The following SV2B variants were observed in gnomAD, a reference collection of about 807,000 sequenced individuals.
SV2B encodes the protein solute carrier family 22 member B2.
Under a neutral mutation model 73.9 loss-of-function variants are expected in SV2B, and 41 were observed. The ratio of observed to expected loss-of-function variants is 0.56; its 90% CI spans 0.43 to 0.72. SV2B has a LOEUF of 0.72. Among genes scored for constraint, SV2B ranks in the 30% least tolerant of loss-of-function variants. The pLI, the probability that SV2B is intolerant of heterozygous loss-of-function variation, is 0.00. For missense variants in SV2B, 764 were observed against 857.8 expected, an observed-to-expected ratio of 0.89 and a Z score of 1.37; for synonymous variants, 314 against 314.2, an observed-to-expected ratio of 1.00 and a Z score of 0.01.
At chr15:91,233,109 T>G (rs549208709) in intron 2 of SV2B, among the ~76,000 whole-genome samples, 2 of 152,184 alleles carry the variant, frequency 1.3e-5, no homozygotes, top group African/African-American at 4.8e-5. Context: ...CAATCCCCCG[T>G]TGATGGGCAC....
rs1256671121 is a variant in SV2B at position 91,227,366 on chromosome 15, G to T, written c.451+652G>T. 6.6e-6 allele frequency among the ~76,000 whole-genome samples: 1 copy of T among 152,202 alleles called. No homozygotes were observed. Among genetic ancestry groups the T allele is most frequent in the Non-Finnish European group, 1.5e-5 (1 of 68,040 alleles). On this transcript the variant is annotated intron_variant, in intron 2 of 12. Coordinates refer to ENST00000394232, the MANE Select transcript of SV2B (RefSeq NM_001323032.3). This position sits in a 1 kb window ranked among gnomAD's most constrained non-coding sequence, Gnocchi z 4.5. ...TCAGCACCATCAGAGCCAAGCATCAGCATCAGGCTGAGGCAGAGAGGATTT... is the reference window on the plus strand; with the variant it reads ...TCAGCACCATCAGAGCCAAGCATCATCATCAGGCTGAGGCAGAGAGGATTT...
At chr15:91,186,496 T>C (rs981729659) in intron 1 of SV2B, among the ~76,000 whole-genome samples, 1 of 152,180 alleles carries the variant, frequency 6.6e-6, no homozygotes, top group South Asian at 2.1e-4. Flanking sequence ...TGAGATTTGG[T>C]TTTCTAATTT....
At chr15:91,148,259 A>G (rs538272617) in intron 1 of SV2B, among the ~76,000 whole-genome samples, 9 of 152,174 alleles carry the variant, frequency 5.9e-5, no homozygotes, top group African/African-American at 2.2e-4. Context: ...GATTACAGAC[A>G]TAAGCCACTG....
Position 91,281,550 on chromosome 15 carries a change from G to A in SV2B, c.1374-178G>A, listed in dbSNP as rs1229295363. On this transcript the variant is annotated intron_variant, in intron 9 of 12. Coordinates refer to ENST00000394232, the MANE Select transcript of SV2B (RefSeq NM_001323032.3). This position sits in a 1 kb window ranked among gnomAD's most constrained non-coding sequence, Gnocchi z 4.7. ...TAGACACTGGCTTCCAGGTCCTGAA[G>A]CCCTTCCCCACTAATAAACAAACAG... is the stretch of plus-strand genomic sequence containing the variant. Among the ~76,000 whole-genome samples the A allele has an allele frequency of 6.6e-6, 1 of 152,222 alleles. No homozygotes were observed. Among genetic ancestry groups the A allele is most frequent in the Non-Finnish European group, 1.5e-5 (1 of 68,046 alleles).
rs2042869765 is a variant in SV2B, at chr15:91,137,575, T to C, written c.-392+37212T>C. On this transcript the variant is annotated intron_variant, in intron 1 of 12. Transcript: ENST00000394232. The surrounding 1 kb of genome is among the most constrained non-coding windows in gnomAD (Gnocchi z 4.9). ...CAAAACTAGGAAAATGTGAAATATA[T>C]ATATATATATTTCTCATATATATAT... 7.0e-6 allele frequency among the ~76,000 whole-genome samples: 1 copy of C among 142,972 alleles called. No individual in the cohort carries two copies. Among genetic ancestry groups the C allele is most frequent in the Non-Finnish European group, 1.5e-5 (1 of 66,446 alleles). The allele number at this position is 142,972 out of a possible 152,430, so 93.8% of individuals were successfully genotyped here. A position where few individuals can be genotyped will look rare whatever the true frequency, so the allele number is the denominator to read the frequency against.
rs1239480201 is a variant in SV2B, at chr15:91,288,898, G to A, written c.1709-623G>A. On this transcript the variant is annotated intron_variant, in intron 11 of 12. Coordinates refer to ENST00000394232, the MANE Select transcript of SV2B (RefSeq NM_001323032.3). This position sits in a 1 kb window ranked among gnomAD's most constrained non-coding sequence, Gnocchi z 5.8. ...TTATCATGTTGGTCAGGCTGGTCTC[G>A]AACTCCTGACCTCAAGTGATCCACC... Among the ~76,000 whole-genome samples the A allele has an allele frequency of 2.0e-5, 3 of 151,958 alleles. No individual in the cohort carries two copies. The highest frequency in any genetic ancestry group is 2.1e-4 in the South Asian group (1 of 4,822).
Position 91,299,101 on chromosome 15 carries a change from C to CAT in SV2B, c.*6557_*6558dup, listed in dbSNP as rs753258789. The stretch of plus-strand genomic sequence containing the variant: ...AAATGTGGGTGTGTATATATACATA[C>CAT]ATATATATACACACACACATTATGT... On this transcript the variant is annotated 3_prime_UTR_variant, in exon 13 of 13. Coordinates refer to ENST00000394232, the MANE Select transcript of SV2B (RefSeq NM_001323032.3). The CAT allele has an allele frequency of 1.6e-4, 24 of 152,028 alleles. No homozygotes were observed. The East Asian group carries it at 2.5e-3, about 16-fold the overall frequency. The allele number at this position is 152,028 out of a possible 1,614,324, so 9.4% of individuals were successfully genotyped here.
Position 91,139,174 on chromosome 15 carries a change from A to C in SV2B, c.-392+38811A>C, listed in dbSNP as rs528793625. On this transcript the variant is annotated intron_variant, in intron 1 of 12. Transcript: ENST00000394232. This position sits in a 1 kb window ranked among gnomAD's most constrained non-coding sequence, Gnocchi z 5.2. ...CATATGATGTTGGGCTGTGCTTCAC[A>C]ATCATCCAATGGTGGTGTGAAGGGA... is the stretch of plus-strand genomic sequence containing the variant. Among the ~76,000 whole-genome samples, 1 of 152,322 alleles carries C rather than the reference A, an allele frequency of 6.6e-6. No homozygotes were observed. The highest frequency in any genetic ancestry group is 2.4e-5 in the African/African-American group (1 of 41,566).
chr15:91,162,607 C>G (rs563477628), intron 1 of SV2B, among the ~76,000 whole-genome samples: 12 of 152,226 alleles, frequency 7.9e-5, no homozygotes, highest in African/African-American at 2.9e-4. Flanking sequence ...CATCACCAAG[C>G]TAAAGTCAAA....
intron 1 of SV2B, among the ~76,000 whole-genome samples, chr15:91,207,908 C>G (rs2045703460): frequency 6.6e-6 from 1 of 152,294 alleles, no homozygotes; most frequent in Middle Eastern, 3.4e-3. Flanking sequence ...ACAGGAGGGC[C>G]TTCAGGGGAG....
At chr15:91,114,259 A>G (rs906502410) in intron 1 of SV2B, among the ~76,000 whole-genome samples, 9 of 151,656 alleles carry the variant, frequency 5.9e-5, no homozygotes, top group Non-Finnish European at 1.3e-4. Context: ...GTGTTAGAGG[A>G]ACATGGAGAG....
At chr15:91,102,432 A>G (rs2041756038) in intron 1 of SV2B, 1 of 152,226 alleles carries the variant, frequency 6.6e-6, no homozygotes, top group South Asian at 2.1e-4. Flanking sequence ...ATACTTTAAA[A>G]TATTTACTCA....
chr15:91,108,942 A>C (rs1333751155), intron 1 of SV2B, among the ~76,000 whole-genome samples: 1 of 151,604 alleles, frequency 6.6e-6, no homozygotes, highest in Non-Finnish European at 1.5e-5. Flanking sequence ...TGCTCCACCC[A>C]CCTCCTGTTC....
chr15:91,264,875 T>C (rs1395489419), intron 6 of SV2B, among the ~76,000 whole-genome samples: 3 of 152,150 alleles, frequency 2.0e-5, no homozygotes, highest in South Asian at 2.1e-4. Context: ...TGCCAGTTAC[T>C]AAGCTCTGAG....
At chr15:91,198,731 G>A (rs910457347) in intron 1 of SV2B, among the ~76,000 whole-genome samples, 1 of 152,228 alleles carries the variant, frequency 6.6e-6, no homozygotes, top group Non-Finnish European at 1.5e-5. Context: ...ATCTGGCTGT[G>A]GTGCTCTTGC....
At chr15:91,187,128 T>G (rs2141337078) in intron 1 of SV2B, among the ~76,000 whole-genome samples, 1 of 152,336 alleles carries the variant, frequency 6.6e-6, no homozygotes, top group South Asian at 2.1e-4. Context: ...CGGGTGTTCA[T>G]TCCTGGATGT....
chr15:91,226,280 A>G lies in SV2B; in HGVS notation c.17A>G (p.Tyr6Cys). Residue 6 changes from tyrosine to cysteine, a missense_variant, in exon 2 of 13, where the codon TAT (tyrosine) becomes TGT (cysteine). Transcript: ENST00000394232. MDDYK[Y>C]QDNYGGYAPS... ...AACCAAGGAATGGATGACTACAAGTATCAGGACAATTATGGGGGCTATGCT... is the reference window on the plus strand; with the variant it reads ...AACCAAGGAATGGATGACTACAAGTGTCAGGACAATTATGGGGGCTATGCT... The G allele has an allele frequency of 1.2e-6, 2 of 1,614,196 alleles. No homozygotes were observed. The highest frequency in any genetic ancestry group is 2.2e-5 in the East Asian group (1 of 44,872).
chr15:91,282,550 T>A (rs79767093), intron 10 of SV2B, among the ~76,000 whole-genome samples: 5 of 152,170 alleles, frequency 3.3e-5, no homozygotes, highest in African/African-American at 1.2e-4. Flanking sequence ...TATTTTTTTT[T>A]AATCCTTCTC....
At position 91,190,189 on chromosome 15, in the gene SV2B, A is replaced by T. The variant is rs1312666046; in HGVS notation, c.-391-35684A>T. Among the ~76,000 whole-genome samples, 4 of 152,182 alleles carry T rather than the reference A, an allele frequency of 2.6e-5. No homozygotes were observed. In the East Asian group the frequency reaches 7.7e-4, roughly 29 times the overall value. ...CAACGTGCAGGTTTGTTACATATGT[A>T]TACATGTGCCATGTTGGTGTGCTGT... On this transcript the variant is annotated intron_variant, in intron 1 of 12. Transcript: ENST00000394232.
Sources: allele counts gnomAD v4.1 joint callset (sites outside exome capture counted in the v4.1 genomes callset), GRCh38; gene constraint gnomAD v4.1.1; non-coding constraint Gnocchi (gnomAD v3.1); transcripts MANE v1.5; gene names NCBI Gene and HGNC (gene_info 2026-07-23, HGNC 2026-07-21).